LDB2: variants seen among roughly 807,000 people sequenced by gnomAD.
The protein encoded by LDB2 is LIM domain-binding protein 2.
Under a neutral mutation model 44.3 loss-of-function variants are expected in LDB2, and 12 were observed. The ratio of observed to expected loss-of-function variants is 0.27; its 90% CI spans 0.17 to 0.44. The LOEUF is 0.44. Among genes scored for constraint, LDB2 ranks in the 20% least tolerant of loss-of-function variants. The probability of loss-of-function intolerance (pLI) is 1.00; values close to 1 mark genes in which losing one functional copy is unlikely to be tolerated. For synonymous variants in LDB2, 164 were observed against 174.8 expected (o/e 0.94, Z 0.49); for missense variants, 344 against 473.5 (o/e 0.73, Z 2.54).
chr4:16,657,375 A>G (rs750611051), intron 2 of LDB2, among the ~76,000 whole-genome samples: 7 of 152,106 alleles, frequency 4.6e-5, no homozygotes, highest in Non-Finnish European at 8.8e-5. Flanking sequence ...ATCACCTCTC[A>G]TTTGCTGTCA....
intron 5 of LDB2, among the ~76,000 whole-genome samples, chr4:16,570,197 C>T (rs879520767): frequency 1.3e-5 from 2 of 152,070 alleles, no homozygotes; most frequent in Non-Finnish European, 2.9e-5. Context: ...GACACAGTGA[C>T]TCATGCCTGT....
Position 16,857,492 on chromosome 4 carries a change from C to T in LDB2, c.132+40862G>A, listed in dbSNP as rs371153546. 8.5e-5 allele frequency among the ~76,000 whole-genome samples: 13 copies of T among 152,324 alleles called. No individual in the cohort carries two copies. The East Asian group carries it at 2.5e-3, about 29-fold the overall frequency. On this transcript the variant is annotated intron_variant, in intron 1 of 7. Transcript: ENST00000304523. ...ATCAAAAGCTCAACTCAGAAGCCTC[C>T]TGTGGCTTCCCACTGGACAAAATCA... is the stretch of plus-strand genomic sequence containing the variant.
At chr4:16,872,634 C>T (rs1255532999) in intron 1 of LDB2, among the ~76,000 whole-genome samples, 1 of 152,128 alleles carries the variant, frequency 6.6e-6, no homozygotes, top group Non-Finnish European at 1.5e-5. Context: ...AATAGACCTT[C>T]TCAGATTCTC....
At chr4:16,536,137 C>A (rs1334168316) in intron 5 of LDB2, among the ~76,000 whole-genome samples, 1 of 152,194 alleles carries the variant, frequency 6.6e-6, no homozygotes, top group Non-Finnish European at 1.5e-5. Flanking sequence ...GCCCTCTCCC[C>A]AGTCACTAAC....
intron 1 of LDB2, among the ~76,000 whole-genome samples, chr4:16,798,475 TG>T (rs1777158583): frequency 6.6e-6 from 1 of 152,168 alleles, no homozygotes; most frequent in Non-Finnish European, 1.5e-5. Flanking sequence ...AATAAATGCA[TG>T]GAAACACACC....
chr4:16,529,266 C>A (rs962091217), intron 5 of LDB2, among the ~76,000 whole-genome samples: 9 of 152,114 alleles, frequency 5.9e-5, no homozygotes, highest in African/African-American at 2.2e-4. Context: ...TTTTTATGCC[C>A]ATGCTTGGGA....
At chr4:16,557,363 C>T (rs369719111) in intron 5 of LDB2, among the ~76,000 whole-genome samples, 4 of 152,214 alleles carry the variant, frequency 2.6e-5, no homozygotes, top group South Asian at 2.1e-4. Context: ...CACCCTAATA[C>T]TGCACTTTTC....
chr4:16,559,118 T>A (rs1741004011), intron 5 of LDB2, among the ~76,000 whole-genome samples: 1 of 152,132 alleles, frequency 6.6e-6, no homozygotes, highest in South Asian at 2.1e-4. Flanking sequence ...TCATGCCAAA[T>A]TGTAAAGACC....
chr4:16,729,262 T>C (rs1760209226), intron 2 of LDB2, among the ~76,000 whole-genome samples: 1 of 152,218 alleles, frequency 6.6e-6, no homozygotes, highest in Non-Finnish European at 1.5e-5. Flanking sequence ...TGAATGACGC[T>C]TGTCATTTTA....
At chr4:16,856,824 G>A (rs546873444) in intron 1 of LDB2, among the ~76,000 whole-genome samples, 2 of 152,218 alleles carry the variant, frequency 1.3e-5, no homozygotes, top group East Asian at 1.9e-4. Flanking sequence ...AGTCCAGCGT[G>A]GTTAAGTCAC....
intron 1 of LDB2, among the ~76,000 whole-genome samples, chr4:16,833,753 G>C (rs945795009): frequency 1.3e-5 from 2 of 152,150 alleles, no homozygotes; most frequent in African/African-American, 4.8e-5. Context: ...ATGTTGTCCA[G>C]GATGGTCTCG....
At chr4:16,611,123 T>C (rs1725483351) in intron 2 of LDB2, among the ~76,000 whole-genome samples, 1 of 152,098 alleles carries the variant, frequency 6.6e-6, no homozygotes, top group African/African-American at 2.4e-5. Context: ...CTAAACTTCA[T>C]AAGTGAAGGA....
chr4:16,824,422 G>A lies in LDB2; in HGVS notation c.133-65162C>T, dbSNP rs557626997. On this transcript the variant is annotated intron_variant, in intron 1 of 7. Transcript: ENST00000304523. ...ATACTGCAAATGAAAGTCAGGGCACGAATGCTTGTACAACCCAGTAAAGCT... is the reference window on the plus strand; with the variant it reads ...ATACTGCAAATGAAAGTCAGGGCACAAATGCTTGTACAACCCAGTAAAGCT... Among the ~76,000 whole-genome samples, 25 of 152,314 alleles carry A rather than the reference G, an allele frequency of 1.6e-4. No homozygotes were observed. The South Asian group carries it at 5.0e-3, about 30-fold the overall frequency.
chr4:16,638,288 G>A (rs531797839), intron 2 of LDB2, among the ~76,000 whole-genome samples: 2 of 152,330 alleles, frequency 1.3e-5, no homozygotes, highest in African/African-American at 2.4e-5. Context: ...TCTTTGTGGT[G>A]TTGAATGGGC....
chr4:16,505,817 T>A, intron 7 of LDB2: 1 of 1,522,776 alleles, frequency 6.6e-7, no homozygotes, highest in Non-Finnish European at 8.8e-7. Context: ...TTCTCACTAA[T>A]CCCCCGTGCA....
At chr4:16,652,132 A>G (rs1175149268) in intron 2 of LDB2, among the ~76,000 whole-genome samples, 1 of 152,058 alleles carries the variant, frequency 6.6e-6, no homozygotes, top group Non-Finnish European at 1.5e-5. Flanking sequence ...TTATTTGTAG[A>G]GATGAGGTCT....
intron 1 of LDB2, among the ~76,000 whole-genome samples, chr4:16,785,273 A>G (rs1323546759): frequency 2.6e-5 from 4 of 152,162 alleles, no homozygotes; most frequent in African/African-American, 4.8e-5. Flanking sequence ...CCAGGCCACA[A>G]TTGCATCCTA....
intron 1 of LDB2, among the ~76,000 whole-genome samples, chr4:16,820,473 A>C (rs1020700855): frequency 1.3e-5 from 2 of 152,140 alleles, no homozygotes; most frequent in African/African-American, 4.8e-5. Flanking sequence ...AGGGGGAAAA[A>C]CCGTCAGTGA....
intron 1 of LDB2, among the ~76,000 whole-genome samples, chr4:16,883,716 G>A (rs906569547): frequency 5.3e-5 from 8 of 152,158 alleles, no homozygotes. Context: ...CTCCTGCCAG[G>A]CTGACGGCCA....
Sources: gnomAD v4.1 joint callset for allele counts (sites outside exome capture counted in the v4.1 genomes callset) on GRCh38, gnomAD v4.1.1 for gene constraint, MANE v1.5 for transcripts, NCBI Gene and HGNC (gene_info 2026-07-23, HGNC 2026-07-21) for gene names.